The following TK2 variants were observed in gnomAD, a reference collection of about 807,000 sequenced individuals.
TK2 encodes thymidine kinase 2.
Under a neutral mutation model 41.9 loss-of-function variants are expected in TK2, and 35 were observed. The observed-to-expected ratio is 0.84, with a 90% confidence interval of 0.64 to 1.11. TK2 has a LOEUF of 1.11. Ranked by LOEUF, TK2 falls within the 50% of genes least tolerant of loss-of-function variation. TK2 has a pLI of 0.00. For synonymous variants in TK2, 128 were observed against 129.1 expected (o/e 0.99, Z 0.06); for missense variants, 320 against 351.1 (o/e 0.91, Z 0.71).
chr16:66,546,820 C>T (rs1965623674), intron 2 of TK2, among the ~76,000 whole-genome samples: 1 of 150,794 alleles, frequency 6.6e-6, no homozygotes, highest in South Asian at 2.1e-4. Flanking sequence ...AATGCAATAA[C>T]AGCTCACTGC....
Position 66,529,004 on chromosome 16 carries a change from G to C in TK2, c.439C>G (p.Leu147Val). 2 of 1,613,986 alleles carry C rather than the reference G, an allele frequency of 1.2e-6. No homozygotes were observed. Among genetic ancestry groups the C allele is most frequent in the Non-Finnish European group, 8.5e-7 (1 of 1,179,964 alleles). Residue 147 changes from leucine to valine, a missense_variant, in exon 6 of 10, where the codon CTG becomes GTG. By Grantham distance (32) the Leu-to-Val change is conservative (BLOSUM62 1). Coordinates refer to ENST00000544898, the MANE Select transcript of TK2 (RefSeq NM_004614.5). ...HSARYIFVEN[L>V]YRSGKMPEVD... ...TTCAAACTACAGTACCTTCTATACAGGTTTTCTACAAAAATGTATCTTGCG... is the reference window on the plus strand; with the variant it reads ...TTCAAACTACAGTACCTTCTATACACGTTTTCTACAAAAATGTATCTTGCG...
chr16:66,517,736 T>C lies in TK2; in HGVS notation c.538+53A>G. On this transcript the variant is annotated intron_variant, in intron 7 of 9. Transcript: ENST00000544898. This position sits in a 1 kb window ranked among gnomAD's most constrained non-coding sequence, Gnocchi z 4.3. ...GGTTGGGGCCCAGCCAAGCACATCC[T>C]CAAGGGACCCAGGAGAGAGACAAGA... 1 of 1,578,550 alleles carries C rather than the reference T, an allele frequency of 6.3e-7. No individual in the cohort carries two copies.
At chr16:66,539,220 T>G (rs903422017) in intron 3 of TK2, among the ~76,000 whole-genome samples, 1 of 152,034 alleles carries the variant, frequency 6.6e-6, no homozygotes, top group Non-Finnish European at 1.5e-5. Context: ...CTCCCCAGGT[T>G]TGATGATTCA....
upstream of TK2, chr16:66,550,204 G>A (rs574349592): frequency 4.4e-5 from 71 of 1,611,814 alleles, no homozygotes; most frequent in East Asian, 1.5e-3. Context: ...TCAGCAAGAG[G>A]AGAAATACTC....
At chr16:66,515,692 T>A (rs1964592134) in intron 8 of TK2, among the ~76,000 whole-genome samples, 1 of 152,180 alleles carries the variant, frequency 6.6e-6, no homozygotes, top group African/African-American at 2.4e-5. Flanking sequence ...TTGGGGAGCA[T>A]CTGGGTCACT....
At chr16:66,541,735 G>A (rs1377871138) in intron 3 of TK2, 144 bp downstream of exon 3, 1 of 834,180 alleles carries the variant, frequency 1.2e-6, no homozygotes, top group Non-Finnish European at 2.0e-6. Flanking sequence ...TTTTTAATGA[G>A]GATATTAGAA....
chr16:66,514,601 C>A lies in TK2; in HGVS notation c.619-790G>T, dbSNP rs1964553803. Among the ~76,000 whole-genome samples, 1 of 152,116 alleles carries A rather than the reference C, an allele frequency of 6.6e-6. No individual in the cohort carries two copies. The highest frequency in any genetic ancestry group is 1.5e-5 in the Non-Finnish European group (1 of 68,032). Reference sequence around the variant, plus strand: ...GCCCATCGTCTAGGATGTGAGGACCCCTCTGCCCGGCCGCTCAGTCTGGGA... The same window carrying A: ...GCCCATCGTCTAGGATGTGAGGACCACTCTGCCCGGCCGCTCAGTCTGGGA... On this transcript the variant is annotated intron_variant, in intron 8 of 9. Transcript: ENST00000544898. This position sits in a 1 kb window ranked among gnomAD's most constrained non-coding sequence, Gnocchi z 4.2.
At chr16:66,521,780 A>G (rs1964787630) in intron 6 of TK2, among the ~76,000 whole-genome samples, 1 of 152,136 alleles carries the variant, frequency 6.6e-6, no homozygotes, top group African/African-American at 2.4e-5. Context: ...AGCAATACCA[A>G]GCAAATCCAA....
rs1257381171 is a variant in TK2 at position 66,511,881 on chromosome 16, T to G, written c.*87A>C. The G allele has an allele frequency of 3.1e-5, 38 of 1,223,738 alleles. No individual in the cohort carries two copies. In the East Asian group the frequency reaches 8.4e-4, roughly 27 times the overall value. 75.8% of individuals were successfully genotyped at this position (1,223,738 alleles called of 1,614,324 possible). ...AAGCTGGCCAGACACAAAGCCCTCC[T>G]GGGAGCAAGTTTTTCCAGATTGCTC... On this transcript the variant is annotated 3_prime_UTR_variant, in exon 10 of 10. Transcript: ENST00000544898.
rs903268109 is a variant in TK2 at position 66,514,654 on chromosome 16, AC to A, written c.619-844del. 9.3e-5 allele frequency among the ~76,000 whole-genome samples: 14 copies of A among 151,144 alleles called. No homozygotes were observed. The highest frequency in any genetic ancestry group is 3.4e-4 in the African/African-American group (14 of 41,058). On this transcript the variant is annotated intron_variant, in intron 8 of 9. Transcript: ENST00000544898. The surrounding 1 kb of genome is among the most constrained non-coding windows in gnomAD (Gnocchi z 4.2). ...TGAGGAGCCCCTCTGCCCGGCCACC[AC>A]CCCGTCTGGGAGGTGTACCCAATAG...
chr16:66,548,975 T>C lies in TK2; in HGVS notation c.156+3A>G, dbSNP rs777758186. The stretch of plus-strand genomic sequence containing the variant: ...AGAGAGTACACATAAAAGAGGGACT[T>C]ACCACTGATTTTTTCTCTTTTTCCT... On this transcript the variant is annotated splice_donor_region_variant and intron_variant, in intron 2 of 9. Coordinates refer to ENST00000544898, the MANE Select transcript of TK2 (RefSeq NM_004614.5). The C allele has an allele frequency of 2.9e-5, 47 of 1,612,844 alleles. No individual in the cohort carries two copies. In the East Asian group the frequency reaches 1.0e-3, roughly 34 times the overall value.
chr16:66,531,447 G>A lies in TK2; in HGVS notation c.308C>T (p.Ser103Phe). Residue 103 changes from serine (S) to phenylalanine (F), a missense_variant, in exon 5 of 10, where the codon TCT becomes TTT. Transcript: ENST00000544898. ...NPLGLMYHDA[S>F]RWGLTLQTYV... ...AGTCTGTAGCGTAAGACCCCAGCGAGAGGCATCGTGGTACATCAGGCCCTG... is the reference window on the plus strand; with the variant it reads ...AGTCTGTAGCGTAAGACCCCAGCGAAAGGCATCGTGGTACATCAGGCCCTG... 1 of 1,614,208 alleles carries A rather than the reference G, an allele frequency of 6.2e-7. No individual in the cohort carries two copies.
chr16:66,549,779 G>A (rs914164957), intron 1 of TK2, 159 bp downstream of exon 1: 46 of 1,283,982 alleles, frequency 3.6e-5, no homozygotes, highest in Non-Finnish European at 4.3e-5. Flanking sequence ...TCGCGCCCGG[G>A]TAACGGCCGA....
At chr16:66,531,979 G>T (rs1401695226) in intron 4 of TK2, among the ~76,000 whole-genome samples, 1 of 151,924 alleles carries the variant, frequency 6.6e-6, no homozygotes, top group Non-Finnish European at 1.5e-5. Context: ...GAAGGGAGGG[G>T]GCAAAGGTTG....
rs1220544688 is a variant in TK2 at position 66,508,069 on chromosome 16, G to A, written c.*3899C>T. Reference sequence around the variant, plus strand: ...ATCTTTAGATTGTTACCAATATTTTGTAATGATTAACCATCTCCCAGGACA... The same window carrying A: ...ATCTTTAGATTGTTACCAATATTTTATAATGATTAACCATCTCCCAGGACA... On this transcript the variant is annotated 3_prime_UTR_variant, in exon 10 of 10. Transcript: ENST00000544898. 1 of 152,040 alleles carries A rather than the reference G, an allele frequency of 6.6e-6. No individual in the cohort carries two copies. Among genetic ancestry groups the A allele is most frequent in the Non-Finnish European group, 1.5e-5 (1 of 68,012 alleles). 9.4% of individuals were successfully genotyped at this position (152,040 alleles called of 1,614,324 possible).
chr16:66,532,901 C>A (rs1185639804), intron 4 of TK2, among the ~76,000 whole-genome samples: 2 of 151,700 alleles, frequency 1.3e-5, no homozygotes, highest in Non-Finnish European at 2.9e-5. Context: ...TATGAAACCA[C>A]AAAAGACCCC....
intron 3 of TK2, among the ~76,000 whole-genome samples, chr16:66,537,439 G>A (rs1463136284): frequency 1.3e-5 from 2 of 152,250 alleles, no homozygotes; most frequent in Non-Finnish European, 2.9e-5. Flanking sequence ...GGCCTTGGCA[G>A]GCCACCTGCC....
chr16:66,529,127 T>C, intron 5 of TK2, 60 bp from the exon 6 acceptor site: 3 of 1,511,078 alleles, frequency 2.0e-6, no homozygotes, highest in Non-Finnish European at 9.2e-7. Context: ...CCAGGAGGCC[T>C]TGAGAAATGT....
intron 9 of TK2, among the ~76,000 whole-genome samples, chr16:66,513,058 C>A (rs1009999992): frequency 1.3e-5 from 2 of 152,176 alleles, no homozygotes; most frequent in African/African-American, 4.8e-5. Flanking sequence ...ACCCCAGACT[C>A]CGCATTTCTT....
Sources: gnomAD v4.1 joint callset for allele counts (sites outside exome capture counted in the v4.1 genomes callset) on GRCh38, gnomAD v4.1.1 for gene constraint, Gnocchi (gnomAD v3.1) non-coding constraint, MANE v1.5 for transcripts, NCBI Gene and HGNC (gene_info 2026-07-23, HGNC 2026-07-21) for gene names.